The following RAPH1 variants were observed in gnomAD, a reference collection of about 807,000 sequenced individuals.
RAPH1 encodes ras-associated and pleckstrin homology domains-containing protein 1.
A neutral mutation model predicts 88.1 loss-of-function variants in RAPH1; 18 were observed. The ratio of observed to expected loss-of-function variants is 0.20; its 90% CI spans 0.14 to 0.30. The LOEUF (loss-of-function observed/expected upper bound fraction) is 0.30, where lower values mean the gene tolerates loss of function less well. Among genes scored for constraint, RAPH1 ranks in the 10% least tolerant of loss-of-function variants. The pLI is 1.00. For missense variants in RAPH1, 1,448 were observed against 1,543.2 expected (o/e 0.94, Z 1.03); for synonymous variants, 587 against 559.0 (o/e 1.05, Z -0.71).
At chr2:203,485,535 C>T (rs1024574582) in intron 4 of RAPH1, among the ~76,000 whole-genome samples, 1 of 152,092 alleles carries the variant, frequency 6.6e-6, no homozygotes, top group East Asian at 1.9e-4. Context: ...CAACAGGGGT[C>T]AGTTTCACAA....
chr2:203,470,348 G>T, intron 4 of RAPH1: 3 of 1,448,652 alleles, frequency 2.1e-6, no homozygotes, highest in Non-Finnish European at 2.9e-6. Flanking sequence ...ACAAAAAAAG[G>T]CAATAACAGA....
chr2:203,439,874 G>A lies in RAPH1; in HGVS notation c.3316C>T (p.Pro1106Ser), dbSNP rs151210759. The change falls in exon 14 of 14, where the codon CCT becomes TCT. Residue 1106 changes from proline to serine, a missense_variant. Pro to Ser is a moderately conservative substitution (Grantham distance 74). Coordinates refer to ENST00000319170, the MANE Select transcript of RAPH1 (RefSeq NM_213589.3). ...NTSPKVAVVN[P>S]QPQQWSKMSV... ...ATTTTAGACCATTGTTGTGGTTGAG[G>A]ATTAACGACTGCCACTTTTGGAGAG... 26 of 1,613,908 alleles carry A rather than the reference G, an allele frequency of 1.6e-5. No individual in the cohort carries two copies. The African/African-American group carries it at 2.9e-4, about 18-fold the overall frequency.
chr2:203,494,017 A>AAT (rs1581356790), intron 2 of RAPH1, among the ~76,000 whole-genome samples: 6 of 129,922 alleles, frequency 4.6e-5, no homozygotes, highest in Admixed American at 8.0e-5. Flanking sequence ...AAAAAAAAAA[A>AAT]TCCCCCCAAA....
intron 1 of RAPH1, among the ~76,000 whole-genome samples, chr2:203,506,850 C>CTG (rs1553630544): frequency 1.3e-5 from 1 of 75,494 alleles, no homozygotes; most frequent in Non-Finnish European, 2.1e-5. Flanking sequence ...ATATATCTAT[C>CTG]TATATCTATA....
intron 4 of RAPH1, among the ~76,000 whole-genome samples, chr2:203,481,568 A>AATATATATATATATATATATATAT (rs60650703): frequency 6.5e-5 from 9 of 138,114 alleles, no homozygotes; most frequent in African/African-American, 2.4e-4. Flanking sequence ...TAAATAGATG[A>AATATATATATATATATATATATAT]ATATATATAT....
In RAPH1 at chr2:203,437,149, G is replaced by A. The variant is rs1165370225; in HGVS notation, c.*2288C>T. The A allele has an allele frequency of 6.6e-6, 1 of 152,174 alleles. No homozygotes were observed. The highest frequency in any genetic ancestry group is 1.5e-5 in the Non-Finnish European group (1 of 68,036). The allele number at this position is 152,174 out of a possible 1,614,324, so 9.4% of individuals were successfully genotyped here. On this transcript the variant is annotated 3_prime_UTR_variant, in exon 14 of 14. Coordinates refer to ENST00000319170, the MANE Select transcript of RAPH1 (RefSeq NM_213589.3). ...ATGGCTATCATCAGGATTGATACAA[G>A]CAAGAAATTCCAAGAAATCCTGCAC...
chr2:203,434,202 C>T lies in RAPH1; in HGVS notation c.*5235G>A, dbSNP rs578043874. 6 of 152,580 alleles carry T rather than the reference C, an allele frequency of 3.9e-5. No homozygotes were observed. In the South Asian group the frequency reaches 1.2e-3, roughly 32 times the overall value. 9.5% of individuals were successfully genotyped at this position (152,580 alleles called of 1,614,324 possible). A position where few individuals can be genotyped will look rare whatever the true frequency, so the allele number is the denominator to read the frequency against. ...TCATCTTCACTGAGCTGTGCATAAT[C>T]CTTTGAATAATAATGTCCTCTACCT... On this transcript the variant is annotated 3_prime_UTR_variant, in exon 14 of 14. Transcript: ENST00000319170.
chr2:203,504,974 G>A (rs974423611), intron 1 of RAPH1, among the ~76,000 whole-genome samples: 5 of 152,144 alleles, frequency 3.3e-5, no homozygotes, highest in Non-Finnish European at 7.4e-5. Context: ...ACCTCAGCTT[G>A]GATCTTATTG....
chr2:203,451,296 T>C (rs1416083776), intron 10 of RAPH1, among the ~76,000 whole-genome samples: 1 of 152,192 alleles, frequency 6.6e-6, no homozygotes, highest in Non-Finnish European at 1.5e-5. Context: ...AAAACCTCTC[T>C]GAGTTACATA....
At chr2:203,499,581 C>T (rs913931590) in intron 1 of RAPH1, among the ~76,000 whole-genome samples, 9 of 152,012 alleles carry the variant, frequency 5.9e-5, no homozygotes, top group Non-Finnish European at 4.4e-5. Context: ...GGCATGGTGG[C>T]GGGCGCCTGT....
intron 4 of RAPH1, among the ~76,000 whole-genome samples, chr2:203,481,864 AG>A (rs1358728118): frequency 1.3e-5 from 2 of 151,606 alleles, no homozygotes; most frequent in Non-Finnish European, 2.9e-5. Flanking sequence ...GGCCTCCCAA[AG>A]TATTAGGATT....
intron 4 of RAPH1, among the ~76,000 whole-genome samples, chr2:203,481,877 C>T (rs545984611): frequency 7.9e-5 from 12 of 151,292 alleles, no homozygotes; most frequent in South Asian, 4.2e-4. Context: ...ATTAGGATTA[C>T]GGGCGTGAGC....
At chr2:203,526,734 T>C (rs1213335202) in intron 1 of RAPH1, among the ~76,000 whole-genome samples, 2 of 142,988 alleles carry the variant, frequency 1.4e-5, no homozygotes, top group Non-Finnish European at 3.0e-5. Context: ...AAAAATACAA[T>C]ACACTATGAA....
chr2:203,476,456 C>A (rs1450092522), intron 4 of RAPH1, among the ~76,000 whole-genome samples: 1 of 152,118 alleles, frequency 6.6e-6, no homozygotes, highest in Non-Finnish European at 1.5e-5. Flanking sequence ...CAGGTATGAG[C>A]CAACACACCC....
At chr2:203,498,193 T>C (rs1013331906) in intron 1 of RAPH1, among the ~76,000 whole-genome samples, 2 of 152,210 alleles carry the variant, frequency 1.3e-5, no homozygotes, top group African/African-American at 4.8e-5. Context: ...CCTGCAGCAC[T>C]GTTGTCCAAC....
chr2:203,526,347 C>T (rs1690112714), intron 1 of RAPH1, among the ~76,000 whole-genome samples: 1 of 152,144 alleles, frequency 6.6e-6, no homozygotes, highest in South Asian at 2.1e-4. Context: ...AAATTATCTA[C>T]TTTCTTCCAC....
At chr2:203,450,107 T>C (rs1156459379) in intron 10 of RAPH1, among the ~76,000 whole-genome samples, 4 of 152,010 alleles carry the variant, frequency 2.6e-5, no homozygotes, top group Non-Finnish European at 5.9e-5. Flanking sequence ...TAGTCATTTG[T>C]TGTGAAAATC....
intron 13 of RAPH1, chr2:203,441,729 T>A (rs55915628): frequency 7.8e-7 from 1 of 1,278,802 alleles, no homozygotes; most frequent in Non-Finnish European, 9.8e-7. Context: ...ACCTTGGCTG[T>A]ATGACTTTGA....
chr2:203,487,916 G>T (rs1367846200), intron 4 of RAPH1, among the ~76,000 whole-genome samples: 5 of 151,396 alleles, frequency 3.3e-5, no homozygotes. Flanking sequence ...TTAATCCAAA[G>T]AATTAAATAA....
Sources: gnomAD v4.1 joint callset for allele counts (sites outside exome capture counted in the v4.1 genomes callset) on GRCh38, gnomAD v4.1.1 for gene constraint, MANE v1.5 for transcripts, NCBI Gene and HGNC (gene_info 2026-07-23, HGNC 2026-07-21) for gene names.